WLS: variants seen among roughly 807,000 people sequenced by gnomAD.
The protein encoded by WLS is Wnt ligand secretion mediator.
WLS carries 23 observed loss-of-function variants against 62.8 expected under a neutral mutation model. The ratio of observed to expected loss-of-function variants is 0.37; its 90% confidence interval spans 0.26 to 0.52. The LOEUF (loss-of-function observed/expected upper bound fraction) is 0.52. Ranked by LOEUF, WLS falls within the 20% of genes least tolerant of loss-of-function variation. WLS has a pLI of 0.92. For synonymous variants in WLS, 246 were observed against 244.1 expected (o/e 1.01, Z -0.07); for missense variants, 615 against 697.3 (o/e 0.88, Z 1.33).
At chr1:68,211,971 G>C (rs1649533289) in intron 1 of WLS, among the ~76,000 whole-genome samples, 1 of 152,072 alleles carries the variant, frequency 6.6e-6, no homozygotes, top group African/African-American at 2.4e-5. Context: ...AATAGTGGTG[G>C]TTTAAAAAAA....
At chr1:68,101,013 G>A (rs114411434) in intron 11 of WLS, among the ~76,000 whole-genome samples, 2,860 of 152,184 alleles carry the variant, frequency 0.019, 100 homozygotes, top group African/African-American at 0.065. Flanking sequence ...TGGCCAAACC[G>A]TTCAGCATAA....
At chr1:68,181,421 G>C (rs4655786) in intron 2 of WLS, among the ~76,000 whole-genome samples, 33,021 of 152,192 alleles carry the variant, frequency 0.22, 3,706 homozygotes, top group East Asian at 0.37. Flanking sequence ...AGCAGGAAAT[G>C]AGACACGTGG....
intron 1 of WLS, among the ~76,000 whole-genome samples, chr1:68,228,897 G>GTT (rs10713302): frequency 0.013 from 1,143 of 90,514 alleles, 26 homozygotes; most frequent in African/African-American, 0.042. Flanking sequence ...GTTTTTTTTT[G>GTT]TTTTTTTTTT....
intron 11 of WLS, among the ~76,000 whole-genome samples, chr1:68,128,932 T>C (rs938225163): frequency 4.7e-5 from 7 of 150,440 alleles, no homozygotes; most frequent in Non-Finnish European, 1.0e-4. Context: ...GCTCTCAACT[T>C]TTGGGTTCTG....
At chr1:68,171,621 T>C (rs1248703912) in intron 2 of WLS, among the ~76,000 whole-genome samples, 2 of 152,194 alleles carry the variant, frequency 1.3e-5, no homozygotes, top group Non-Finnish European at 2.9e-5. Context: ...AGATACCATC[T>C]CATGCCAGTT....
chr1:68,137,769 C>T lies in WLS; in HGVS notation c.1516+11G>A, dbSNP rs754647145. 6.1e-5 allele frequency: 99 copies of T among 1,612,838 alleles called. 1 individual carries two copies. The Middle Eastern group carries it at 9.9e-4, about 16-fold the overall frequency. On this transcript the variant is annotated intron_variant, in intron 11 of 11. Transcript: ENST00000262348. ...CCTGACTTAAGCTGTTCTAAAGAGA[C>T]AGAAACTCACCATTGGACTGGTCTT...
At chr1:68,127,322 T>G (rs1646448146) in intron 11 of WLS, 1 of 160,898 alleles carries the variant, frequency 6.2e-6, no homozygotes, top group Non-Finnish European at 1.4e-5. Context: ...GGGGCTTTAT[T>G]CTCCAGGAAA....
At chr1:68,116,496 C>T (rs1646293443) in intron 11 of WLS, among the ~76,000 whole-genome samples, 1 of 152,212 alleles carries the variant, frequency 6.6e-6, no homozygotes, top group Admixed American at 6.5e-5. Context: ...TTGAACCAGG[C>T]TGTTACTTCC....
chr1:68,106,750 G>GTGTGTA (rs1491308056), intron 11 of WLS, among the ~76,000 whole-genome samples: 1 of 138,830 alleles, frequency 7.2e-6, no homozygotes, highest in African/African-American at 3.3e-5. Context: ...GTGTGTGTGT[G>GTGTGTA]TATGTGTGGG....
At chr1:68,210,270 A>T (rs1031632089) in intron 1 of WLS, among the ~76,000 whole-genome samples, 2 of 152,212 alleles carry the variant, frequency 1.3e-5, no homozygotes, top group African/African-American at 4.8e-5. Context: ...GACAGCAAGT[A>T]TGGTCAGGAG....
At chr1:68,215,924 TA>T (rs910708467) in intron 1 of WLS, among the ~76,000 whole-genome samples, 3 of 152,188 alleles carry the variant, frequency 2.0e-5, no homozygotes, top group Non-Finnish European at 2.9e-5. Flanking sequence ...CCTGGGGTTC[TA>T]AAGACCCAGA....
chr1:68,222,901 T>TGGGGTG (rs1223326833), intron 1 of WLS, among the ~76,000 whole-genome samples: 7 of 3,232 alleles, frequency 2.2e-3, no homozygotes, highest in African/African-American at 3.5e-3. Context: ...TGCCAAGGTG[T>TGGGGTG]GGGGTGGGGG....
At chr1:68,120,025 G>T (rs12217115) in intron 11 of WLS, among the ~76,000 whole-genome samples, 22,374 of 150,488 alleles carry the variant, frequency 0.15, 2,097 homozygotes, top group East Asian at 0.39. Context: ...AGAAGGGGCT[G>T]TCCAGATGAT....
chr1:68,203,540 A>G (rs1015790402), intron 1 of WLS, among the ~76,000 whole-genome samples: 1 of 152,226 alleles, frequency 6.6e-6, no homozygotes, highest in Non-Finnish European at 1.5e-5. Context: ...AGACTTCCAT[A>G]AAGAAATGAT....
chr1:68,170,223 T>A (rs1207719327), intron 2 of WLS, among the ~76,000 whole-genome samples: 1 of 142,690 alleles, frequency 7.0e-6, no homozygotes, highest in African/African-American at 2.6e-5. Context: ...TGGAGTGCAA[T>A]GGCACGATCT....
At chr1:68,201,571 G>A (rs1412154751) in intron 1 of WLS, among the ~76,000 whole-genome samples, 2 of 152,210 alleles carry the variant, frequency 1.3e-5, no homozygotes, top group Admixed American at 6.5e-5. Flanking sequence ...ACAGAGACTA[G>A]ACCAGAAGTG....
chr1:68,122,542 TGTAA>T (rs1646376231), downstream of WLS, among the ~76,000 whole-genome samples: 1 of 149,812 alleles, frequency 6.7e-6, no homozygotes, highest in African/African-American at 2.5e-5. Context: ...ATTTGTTTGT[TGTAA>T]GTATTGGTAA....
Position 68,125,892 on chromosome 1 carries a change from C to G in WLS, c.*334G>C, listed in dbSNP as rs573083359. ...CCACTCCCCATTCGGCCCAAACCATCCCCCAAGGAATACACCCCCACCCCA... is the reference window on the plus strand; with the variant it reads ...CCACTCCCCATTCGGCCCAAACCATGCCCCAAGGAATACACCCCCACCCCA... On this transcript the variant is annotated 3_prime_UTR_variant, in exon 12 of 12. Transcript: ENST00000262348. 3 of 1,063,062 alleles carry G rather than the reference C, an allele frequency of 2.8e-6. No homozygotes were observed. Among genetic ancestry groups the G allele is most frequent in the Non-Finnish European group, 3.4e-6 (3 of 879,916 alleles). 65.9% of individuals were successfully genotyped at this position (1,063,062 alleles called of 1,614,324 possible).
At chr1:68,215,636 T>G (rs1352677105) in intron 1 of WLS, among the ~76,000 whole-genome samples, 2 of 152,208 alleles carry the variant, frequency 1.3e-5, no homozygotes, top group Non-Finnish European at 2.9e-5. Context: ...ACAAAGAAGA[T>G]TTCTCCAGTA....
Sources: gnomAD v4.1 joint callset for allele counts (sites outside exome capture counted in the v4.1 genomes callset) on GRCh38, gnomAD v4.1.1 for gene constraint, MANE v1.5 for transcripts, NCBI Gene and HGNC (gene_info 2026-07-23, HGNC 2026-07-21) for gene names.